Variants in PTP4A1 observed in about 807,000 individuals in gnomAD.
The protein encoded by PTP4A1 is protein tyrosine phosphatase 4A1.
Under a neutral mutation model 20.5 loss-of-function variants are expected in PTP4A1, and 9 were observed. That is an observed-to-expected ratio of 0.44 (90% confidence interval 0.26 to 0.77). The LOEUF (loss-of-function observed/expected upper bound fraction) is 0.77. Ranked by LOEUF, PTP4A1 falls within the 30% of genes least tolerant of loss-of-function variation. The pLI is 0.19. For synonymous variants in PTP4A1, 78 were observed against 67.4 expected (o/e 1.16, Z -0.77); for missense variants, 137 against 218.8 (o/e 0.63, Z 2.36).
At chr6:63,567,137 G>A (rs1777226499) in intron 3 of PTP4A1, among the ~76,000 whole-genome samples, 1 of 152,192 alleles carries the variant, frequency 6.6e-6, no homozygotes, top group African/African-American at 2.4e-5. Context: ...TCATCCATGA[G>A]AGTTGGAGTT....
chr6:63,534,309 T>A (rs140860526), intron 2 of PTP4A1, among the ~76,000 whole-genome samples: 1 of 152,170 alleles, frequency 6.6e-6, no homozygotes, highest in African/African-American at 2.4e-5. Flanking sequence ...TCTGATGCCA[T>A]GCAATCTCTC....
At chr6:63,561,597 G>A (rs777836573) in intron 3 of PTP4A1, among the ~76,000 whole-genome samples, 1 of 152,008 alleles carries the variant, frequency 6.6e-6, no homozygotes, top group African/African-American at 2.4e-5. Flanking sequence ...ACATTCCAGG[G>A]CACTTACAAT....
chr6:63,577,444 G>A (rs951438549), intron 2 of PTP4A1, among the ~76,000 whole-genome samples: 34 of 152,164 alleles, frequency 2.2e-4, no homozygotes, highest in African/African-American at 8.0e-4. Context: ...TTTTTACTAG[G>A]AGAAAGGAAT....
At chr6:63,531,135 G>A (rs898374129) in intron 2 of PTP4A1, among the ~76,000 whole-genome samples, 3 of 152,148 alleles carry the variant, frequency 2.0e-5, no homozygotes, top group Non-Finnish European at 4.4e-5. Flanking sequence ...AGTCCTCTCA[G>A]TTCTGCCTGC....
intron 2 of PTP4A1, among the ~76,000 whole-genome samples, chr6:63,540,842 CAA>C (rs552657579): frequency 1.5e-5 from 2 of 132,946 alleles, no homozygotes; most frequent in Non-Finnish European, 1.6e-5. Flanking sequence ...GCTGAAAATA[CAA>C]AAAAAAAAAA....
At chr6:63,538,259 A>T (rs1775805653) in intron 2 of PTP4A1, among the ~76,000 whole-genome samples, 1 of 152,244 alleles carries the variant, frequency 6.6e-6, no homozygotes, top group Non-Finnish European at 1.5e-5. Flanking sequence ...TCAGAGAAAG[A>T]GGGAAATCTA....
At chr6:63,528,375 C>T (rs1013518706) in intron 2 of PTP4A1, among the ~76,000 whole-genome samples, 1 of 151,390 alleles carries the variant, frequency 6.6e-6, no homozygotes, top group Non-Finnish European at 1.5e-5. Flanking sequence ...GTGGGAGAAT[C>T]GCTTGAGCCC....
At chr6:63,574,951 G>C (rs1203293475) in intron 1 of PTP4A1, among the ~76,000 whole-genome samples, 1 of 152,156 alleles carries the variant, frequency 6.6e-6, no homozygotes, top group Non-Finnish European at 1.5e-5. Context: ...GGGCTTGTTT[G>C]AACAAACTTG....
chr6:63,525,356 G>T (rs1203307255), intron 1 of PTP4A1, among the ~76,000 whole-genome samples: 3 of 152,170 alleles, frequency 2.0e-5, no homozygotes, highest in Non-Finnish European at 4.4e-5. Context: ...TTCTGCCAAT[G>T]GGGGAGCTAG....
Position 63,523,512 on chromosome 6 carries a change from A to AAAAT in PTP4A1, c.-906+1710_-906+1713dup, listed in dbSNP as rs79905080. ...GGCAACAGAGTGAGACTCCATCTCA[A>AAAAT]AAATAAATAAATAAATAAATAAATA... On this transcript the variant is annotated intron_variant, in intron 1 of 3. Coordinates refer to the PTP4A1 transcript ENST00000639568. Among the ~76,000 whole-genome samples, 487 of 152,150 alleles carry AAAAT rather than the reference A, an allele frequency of 3.2e-3. 2 individuals carry two copies. Among genetic ancestry groups the AAAAT allele is most frequent in the Middle Eastern group, 6.8e-3 (2 of 294 alleles).
intron 2 of PTP4A1, among the ~76,000 whole-genome samples, chr6:63,532,213 T>C (rs1316606180): frequency 6.6e-6 from 1 of 152,258 alleles, no homozygotes; most frequent in Non-Finnish European, 1.5e-5. Context: ...AAATTGTTAC[T>C]GAAATTTTGA....
chr6:63,578,310 C>A, intron 2 of PTP4A1, 127 bp from the exon 3 acceptor site: 1 of 1,168,050 alleles, frequency 8.6e-7, no homozygotes, highest in Non-Finnish European at 1.1e-6. Flanking sequence ...TAAATGGATT[C>A]TAGCATTCTT....
At position 63,580,131 on chromosome 6, in the gene PTP4A1, T is replaced by G; in HGVS notation, c.479T>G (p.Phe160Cys). 1.9e-6 allele frequency: 3 copies of G among 1,613,762 alleles called. No homozygotes were observed. The highest frequency in any genetic ancestry group is 2.5e-6 in the Non-Finnish European group (3 of 1,179,744). ...TATCGTCCTAAAATGCGGCTGCGTT[T>G]CAAAGATTCCAACGGTCATAGAAAC... ...EKYRPKMRLR[F>C]KDSNGHRNNC... The change falls in exon 6 of 6, where the codon TTC (phenylalanine) becomes TGC (cysteine). Residue 160 changes from phenylalanine (F) to cysteine (C), a missense_variant. Coordinates refer to ENST00000626021, the MANE Select transcript of PTP4A1 (RefSeq NM_003463.5).
intron 2 of PTP4A1, among the ~76,000 whole-genome samples, chr6:63,547,474 G>A (rs1776242587): frequency 6.8e-6 from 1 of 147,420 alleles, no homozygotes; most frequent in Non-Finnish European, 1.5e-5. Context: ...ACAGGCGTCT[G>A]CCACCTCGCC....
At chr6:63,554,801 A>G (rs1776607145) in intron 3 of PTP4A1, among the ~76,000 whole-genome samples, 1 of 152,056 alleles carries the variant, frequency 6.6e-6, no homozygotes, top group Admixed American at 6.5e-5. Flanking sequence ...AAATGGAACA[A>G]TTTATCAAGC....
intron 2 of PTP4A1, among the ~76,000 whole-genome samples, chr6:63,530,009 C>G (rs1775384286): frequency 6.6e-6 from 1 of 152,040 alleles, no homozygotes; most frequent in South Asian, 2.1e-4. Context: ...AGTAATATTT[C>G]ACTTTTTGAC....
intron 1 of PTP4A1, among the ~76,000 whole-genome samples, chr6:63,527,423 A>C (rs1775235769): frequency 6.6e-6 from 1 of 152,186 alleles, no homozygotes; most frequent in Non-Finnish European, 1.5e-5. Context: ...ACAAATAGTC[A>C]TCTACTATTT....
At chr6:63,569,483 C>T (rs1394728457), upstream of PTP4A1, among the ~76,000 whole-genome samples, 1 of 152,184 alleles carries the variant, frequency 6.6e-6, no homozygotes, top group Non-Finnish European at 1.5e-5. Context: ...TCTTGAACTC[C>T]TAACTCCTAA....
At chr6:63,530,289 A>C (rs561865609) in intron 2 of PTP4A1, among the ~76,000 whole-genome samples, 5 of 152,344 alleles carry the variant, frequency 3.3e-5, no homozygotes, top group Non-Finnish European at 7.3e-5. Context: ...ACCTTGTAAG[A>C]GGACAGCTGT....
Sources: allele counts gnomAD v4.1 joint callset (sites outside exome capture counted in the v4.1 genomes callset), GRCh38; gene constraint gnomAD v4.1.1; transcripts MANE v1.5; gene names NCBI Gene and HGNC (gene_info 2026-07-23, HGNC 2026-07-21).